Variants in EBF4 observed in about 807,000 individuals in gnomAD.
EBF4 encodes the protein EBF transcription factor 4.
EBF4 carries 34 observed loss-of-function variants against 67.1 expected under a neutral mutation model. The observed-to-expected ratio is 0.51, with a 90% CI of 0.39 to 0.67. The LOEUF (loss-of-function observed/expected upper bound fraction) is 0.67. Ranked by LOEUF, EBF4 falls within the 30% of genes least tolerant of loss-of-function variation. The pLI is 0.00. For synonymous variants in EBF4, 387 were observed against 377.7 expected, an observed-to-expected ratio of 1.02 and a Z score of -0.29; for missense variants, 837 against 873.3, an observed-to-expected ratio of 0.96 and a Z score of 0.52.
chr20:2,733,086 A>T (rs1328323121), intron 6 of EBF4, among the ~76,000 whole-genome samples: 1 of 152,214 alleles, frequency 6.6e-6, no homozygotes, highest in East Asian at 1.9e-4. Flanking sequence ...GTTAGTGATG[A>T]ATCCTCTCAG....
At chr20:2,733,744 G>C (rs193203592) in intron 6 of EBF4, among the ~76,000 whole-genome samples, 2 of 150,712 alleles carry the variant, frequency 1.3e-5, no homozygotes, top group African/African-American at 4.9e-5. Context: ...TTTGGCTTCC[G>C]TGGGCCATAT....
chr20:2,755,907 C>A lies in EBF4; in HGVS notation c.1738+83C>A. 1 of 1,313,300 alleles carries A rather than the reference C, an allele frequency of 7.6e-7. No homozygotes were observed. The highest frequency in any genetic ancestry group is 1.0e-6 in the Non-Finnish European group (1 of 969,788). The allele number at this position is 1,313,300 out of a possible 1,614,324, so 81.4% of individuals were successfully genotyped here. ...GGGCTACAGGGGCCTGCTCTGTCCA[C>A]ATCTCACCAGTGCCTCATGCTGGCT... On this transcript the variant is annotated intron_variant, in intron 15 of 16. Transcript: ENST00000609451. The surrounding 1 kb of genome is among the most constrained non-coding windows in gnomAD (Gnocchi z 4.7).
chr20:2,726,228 GT>G (rs1441669931), intron 6 of EBF4, among the ~76,000 whole-genome samples: 1 of 151,988 alleles, frequency 6.6e-6, no homozygotes, highest in Non-Finnish European at 1.5e-5. Context: ...TATTCCATCT[GT>G]TTTTCATGGG....
In EBF4 at chr20:2,696,335, G is replaced by A. The variant is rs977716080; in HGVS notation, c.137+2553G>A. Among the ~76,000 whole-genome samples, 3 of 152,110 alleles carry A rather than the reference G, an allele frequency of 2.0e-5. No individual in the cohort carries two copies. Among genetic ancestry groups the A allele is most frequent in the Admixed American group, 1.3e-4 (2 of 15,270 alleles). ...AATAATACAAAAATTAGCTGGGCGTGGTGAAGCATGCTTGTAGTGCCAGCT... is the reference window on the plus strand; with the variant it reads ...AATAATACAAAAATTAGCTGGGCGTAGTGAAGCATGCTTGTAGTGCCAGCT... On this transcript the variant is annotated intron_variant, in intron 1 of 16. Transcript: ENST00000609451. The surrounding 1 kb of genome is among the most constrained non-coding windows in gnomAD (Gnocchi z 4.7).
rs2088041486 is a variant in EBF4, at chr20:2,745,791, T to C, written c.558-2758T>C. 1.3e-5 allele frequency among the ~76,000 whole-genome samples: 2 copies of C among 152,176 alleles called. No homozygotes were observed. The highest frequency in any genetic ancestry group is 1.5e-5 in the Non-Finnish European group (1 of 68,016). ...GGAAGGATTTACCTACCCCGGGTCATGCAGAGAGTCCAGGCCTGGCCAGAG... is the reference window on the plus strand; with the variant it reads ...GGAAGGATTTACCTACCCCGGGTCACGCAGAGAGTCCAGGCCTGGCCAGAG... On this transcript the variant is annotated intron_variant, in intron 6 of 16. Coordinates refer to ENST00000609451, the Ensembl canonical transcript of EBF4. The surrounding 1 kb of genome is among the most constrained non-coding windows in gnomAD (Gnocchi z 5.2).
Position 2,707,964 on chromosome 20 carries a change from G to A in EBF4, c.432G>A (p.Gly144=), listed in dbSNP as rs1241855701. The stretch of plus-strand genomic sequence containing the variant: ...CTCCCCAGGCCATCATCTATGAGGG[G>A]CAGGACAAGAACCCCGAAATGTGCC... The change falls in exon 5 of 17, where the codon GGG becomes GGA. Residue 144 remains glycine, a synonymous_variant. Transcript: ENST00000609451. The surrounding 1 kb of genome is among the most constrained non-coding windows in gnomAD (Gnocchi z 4.6). 1.9e-6 allele frequency: 3 copies of A among 1,604,586 alleles called. No homozygotes were observed. In the African/African-American group the frequency reaches 4.0e-5, roughly 21 times the overall value.
intron 6 of EBF4, among the ~76,000 whole-genome samples, chr20:2,713,813 T>C (rs1183671468): frequency 6.6e-6 from 1 of 152,172 alleles, no homozygotes; most frequent in Non-Finnish European, 1.5e-5. Context: ...AGACAGGGGT[T>C]GAACTGGATG....
chr20:2,738,446 G>A (rs1459256275), intron 6 of EBF4, among the ~76,000 whole-genome samples: 1 of 151,890 alleles, frequency 6.6e-6, no homozygotes, highest in African/African-American at 2.4e-5. Flanking sequence ...AGCCTGCATT[G>A]ACAGAAGACT....
rs1194404565 is a variant in EBF4 at position 2,739,216 on chromosome 20, G to A, written c.558-9333G>A. 6.6e-6 allele frequency among the ~76,000 whole-genome samples: 1 copy of A among 152,112 alleles called. No individual in the cohort carries two copies. Among genetic ancestry groups the A allele is most frequent in the African/African-American group, 2.4e-5 (1 of 41,406 alleles). ...CCCTGTAGCCTTCCCATCACCCAGA[G>A]GATCCAAGTCCCGCATGATTTGGTC... On this transcript the variant is annotated intron_variant, in intron 6 of 16. Transcript: ENST00000609451. The surrounding 1 kb of genome is among the most constrained non-coding windows in gnomAD (Gnocchi z 4.5).
intron 1 of EBF4, among the ~76,000 whole-genome samples, chr20:2,695,456 T>TC (rs1277516137): frequency 6.6e-6 from 1 of 151,234 alleles, no homozygotes; most frequent in Non-Finnish European, 1.5e-5. Flanking sequence ...CCAGTCTGAC[T>TC]CCCCACATTG....
intron 6 of EBF4, among the ~76,000 whole-genome samples, chr20:2,744,480 T>C (rs928792394): frequency 8.4e-6 from 1 of 118,694 alleles, no homozygotes; most frequent in African/African-American, 4.0e-5. Context: ...TTCTTTTTTC[T>C]TTTTTTCTTT....
intron 6 of EBF4, among the ~76,000 whole-genome samples, chr20:2,718,643 T>A (rs376385215): frequency 6.6e-6 from 1 of 152,238 alleles, no homozygotes; most frequent in Non-Finnish European, 1.5e-5. Flanking sequence ...CTCTCATTCC[T>A]GATACTGGCA....
chr20:2,737,344 C>T (rs1022132883), intron 6 of EBF4, among the ~76,000 whole-genome samples: 6 of 151,870 alleles, frequency 4.0e-5, no homozygotes, highest in South Asian at 2.1e-4. Flanking sequence ...GGAGTGGAGG[C>T]GGCTAGTGAG....
At chr20:2,746,199 C>G (rs1291064464) in intron 6 of EBF4, among the ~76,000 whole-genome samples, 1 of 152,018 alleles carries the variant, frequency 6.6e-6, no homozygotes, top group Non-Finnish European at 1.5e-5. Flanking sequence ...TGATTAGTAA[C>G]TAATAAGAGA....
At chr20:2,733,679 G>A (rs745662480) in intron 6 of EBF4, among the ~76,000 whole-genome samples, 29 of 149,546 alleles carry the variant, frequency 1.9e-4, no homozygotes, top group African/African-American at 5.4e-4. Context: ...ATTTTTTTTC[G>A]TCCCACCAAA....
Position 2,751,630 on chromosome 20 carries a change from G to T in EBF4, c.1019-70G>T, listed in dbSNP as rs1205177481. The T allele has an allele frequency of 3.4e-6, 5 of 1,488,234 alleles. No homozygotes were observed. Among genetic ancestry groups the T allele is most frequent in the African/African-American group, 1.4e-5 (1 of 71,696 alleles). The allele number at this position is 1,488,234 out of a possible 1,614,324, so 92.2% of individuals were successfully genotyped here. Reference sequence around the variant, plus strand: ...GACTGGGCGCTGGCCTGCTTTTGGCGCCCTGCGTCTCACCCTGGGAGTGGG... The same window carrying T: ...GACTGGGCGCTGGCCTGCTTTTGGCTCCCTGCGTCTCACCCTGGGAGTGGG... On this transcript the variant is annotated intron_variant, in intron 10 of 16. Coordinates refer to ENST00000609451, the Ensembl canonical transcript of EBF4. The surrounding 1 kb of genome is among the most constrained non-coding windows in gnomAD (Gnocchi z 5.2).
Position 2,759,258 on chromosome 20 carries a change from G to A in EBF4, c.*6-10G>A, listed in dbSNP as rs993112214. ...CCCGACCTTCTTCTCTCCCTCTCTC[G>A]CCCCACCAGGTCTGCAGCTGTTCCC... is the stretch of plus-strand genomic sequence containing the variant. On this transcript the variant is annotated splice_polypyrimidine_tract_variant and intron_variant, in intron 16 of 16. Coordinates refer to ENST00000609451, the Ensembl canonical transcript of EBF4. 1.2e-5 allele frequency: 6 copies of A among 506,850 alleles called. No individual in the cohort carries two copies. Among genetic ancestry groups the A allele is most frequent in the South Asian group, 7.4e-5 (3 of 40,562 alleles). The allele number at this position is 506,850 out of a possible 1,614,324, so 31.4% of individuals were successfully genotyped here.
rs1568588447 is a variant in EBF4 at position 2,752,277 on chromosome 20, G to GCCTCCCCGCCGT, written c.1351+19_1351+30dup. ...GGCCCGAGCCGGGTGCGTGGGCCGCGCCTCCCCGCCGTCCTCGGGCGCCGC... is the reference window on the plus strand; with the variant it reads ...GGCCCGAGCCGGGTGCGTGGGCCGCGCCTCCCCGCCGTCCTCCCCGCCGTCCTCGGGCGCCGC... On this transcript the variant is annotated intron_variant, in intron 13 of 16. Coordinates refer to ENST00000609451, the Ensembl canonical transcript of EBF4. 1 of 1,226,658 alleles carries GCCTCCCCGCCGT rather than the reference G, an allele frequency of 8.2e-7. No individual in the cohort carries two copies. The highest frequency in any genetic ancestry group is 1.6e-5 in the African/African-American group (1 of 63,196). The allele number at this position is 1,226,658 out of a possible 1,614,324, so 76.0% of individuals were successfully genotyped here.
intron 6 of EBF4, among the ~76,000 whole-genome samples, chr20:2,717,458 T>C (rs2087625200): frequency 6.6e-6 from 1 of 152,194 alleles, no homozygotes; most frequent in South Asian, 2.1e-4. Context: ...TTAAGCCAAA[T>C]TGAGAAAGTG....
Sources: gnomAD v4.1 joint callset for allele counts (sites outside exome capture counted in the v4.1 genomes callset) on GRCh38, gnomAD v4.1.1 for gene constraint, Gnocchi (gnomAD v3.1) non-coding constraint, MANE v1.5 for transcripts, NCBI Gene and HGNC (gene_info 2026-07-23, HGNC 2026-07-21) for gene names.